Variants in ADARB2 observed in about 807,000 individuals in gnomAD.
ADARB2 encodes the protein inactive double-stranded RNA-specific editase B2.
ADARB2 carries 25 observed loss-of-function variants against 62.2 expected under a neutral mutation model. The observed-to-expected ratio is 0.40, with a 90% CI of 0.29 to 0.56. The LOEUF is 0.56. ADARB2 is among the 20% of genes least tolerant of loss of function. The pLI is 0.43. For missense variants in ADARB2, 1,071 were observed against 1,077.4 expected (o/e 0.99, Z 0.08); for synonymous variants, 572 against 500.8 (o/e 1.14, Z -1.90).
chr10:1,302,349 T>C (rs1357066244), intron 3 of ADARB2, among the ~76,000 whole-genome samples: 1 of 152,134 alleles, frequency 6.6e-6, no homozygotes, highest in South Asian at 2.1e-4. Context: ...ACCACGAGAT[T>C]ATATCCCACA....
chr10:1,271,040 G>A lies in ADARB2; in HGVS notation c.1107C>T (p.Val369=), dbSNP rs774219922. ...TCGTCACCTCGCGGAACTTCTGTGT[G>A]ACCAGCTGGGATATGGAGTCTGCGA... The part of the protein sequence containing the change: ...QEFADSISQL[V]TQKFREVTTD... Residue 369 remains valine (V), a synonymous_variant, in exon 4 of 10, where the codon GTC becomes GTT. Transcript: ENST00000381312. 11 of 1,613,964 alleles carry A rather than the reference G, an allele frequency of 6.8e-6. No individual in the cohort carries two copies. Among genetic ancestry groups the A allele is most frequent in the Non-Finnish European group, 8.5e-6 (10 of 1,180,018 alleles).
Position 1,194,539 on chromosome 10 carries a change from G to A in ADARB2, c.1864+5427C>T, listed in dbSNP as rs3055761. On this transcript the variant is annotated intron_variant, in intron 8 of 9. Transcript: ENST00000381312. The stretch of plus-strand genomic sequence containing the variant: ...ATCTATCTATCTAATCTATCTATCT[G>A]TCTGTCTGTCAGTCTATCATCTATC... Among the ~76,000 whole-genome samples the A allele has an allele frequency of 4.7e-3, 371 of 79,202 alleles. 1 individual carries two copies. The highest frequency in any genetic ancestry group is 0.014 in the African/African-American group (327 of 23,706). The allele number at this position is 79,202 out of a possible 152,430, so 52.0% of individuals were successfully genotyped here. A position where few individuals can be genotyped will look rare whatever the true frequency, so the allele number is the denominator to read the frequency against.
At position 1,177,761 on chromosome 10, in the gene ADARB2, G is replaced by A; in HGVS notation, c.*5432C>T. 6.6e-6 allele frequency: 1 copy of A among 152,250 alleles called. No homozygotes were observed. The highest frequency in any genetic ancestry group is 1.9e-4 in the East Asian group (1 of 5,198). The allele number at this position is 152,250 out of a possible 1,614,324, so 9.4% of individuals were successfully genotyped here. On this transcript the variant is annotated 3_prime_UTR_variant, in exon 10 of 10. Coordinates refer to ENST00000381312, the MANE Select transcript of ADARB2 (RefSeq NM_018702.4). ...TAAAGTGTTCCTCTCACCAGGGTTT[G>A]ATCTGTCTGCGGTTCCCGCAGGAGT...
At chr10:1,606,757 C>T (rs1833499239) in intron 1 of ADARB2, among the ~76,000 whole-genome samples, 1 of 152,230 alleles carries the variant, frequency 6.6e-6, no homozygotes, top group South Asian at 2.1e-4. Context: ...ACAGGAGACA[C>T]ACTGGGCTGG....
chr10:1,246,837 A>G (rs1318940805), intron 4 of ADARB2, among the ~76,000 whole-genome samples: 5 of 151,616 alleles, frequency 3.3e-5, no homozygotes, highest in Non-Finnish European at 2.9e-5. Context: ...TTTTGGTTCC[A>G]TATGAACTTT....
chr10:1,360,163 G>A (rs58768271), intron 3 of ADARB2, among the ~76,000 whole-genome samples: 10,905 of 152,250 alleles, frequency 0.072, 1,275 homozygotes, highest in African/African-American at 0.25. Context: ...GCACCGGGCC[G>A]GCACCCAAGT....
intron 3 of ADARB2, among the ~76,000 whole-genome samples, chr10:1,315,557 T>A (rs1453373423): frequency 6.6e-6 from 1 of 152,218 alleles, no homozygotes; most frequent in Non-Finnish European, 1.5e-5. Context: ...AATGTCATAT[T>A]TGTAGGGCTC....
chr10:1,289,786 T>A (rs1831448081), intron 3 of ADARB2, among the ~76,000 whole-genome samples: 1 of 152,224 alleles, frequency 6.6e-6, no homozygotes, highest in South Asian at 2.1e-4. Context: ...CACTCCACGG[T>A]GGGTGTGCCA....
chr10:1,468,100 A>G (rs1309679192), intron 1 of ADARB2, among the ~76,000 whole-genome samples: 1 of 152,228 alleles, frequency 6.6e-6, no homozygotes, highest in Non-Finnish European at 1.5e-5. Context: ...CATTGTCAGG[A>G]TCAACCTGTC....
intron 1 of ADARB2, among the ~76,000 whole-genome samples, chr10:1,686,926 A>T (rs559783963): frequency 6.6e-6 from 1 of 151,402 alleles, no homozygotes; most frequent in African/African-American, 2.4e-5. Flanking sequence ...AAGAAATTAC[A>T]TTTTTTTTAA....
intron 1 of ADARB2, among the ~76,000 whole-genome samples, chr10:1,381,374 C>G (rs1832481829): frequency 1.3e-5 from 2 of 152,168 alleles, no homozygotes; most frequent in South Asian, 4.1e-4. Context: ...CTCCTCACAC[C>G]CATTAGGATG....
intron 1 of ADARB2, among the ~76,000 whole-genome samples, chr10:1,547,808 C>T (rs1321298023): frequency 6.8e-6 from 1 of 147,210 alleles, no homozygotes; most frequent in Admixed American, 6.8e-5. Context: ...AGAGGCTGCA[C>T]AGGTGTATAC....
At chr10:1,514,636 C>T (rs1469927963) in intron 1 of ADARB2, among the ~76,000 whole-genome samples, 1 of 151,756 alleles carries the variant, frequency 6.6e-6, no homozygotes, top group Non-Finnish European at 1.5e-5. Context: ...AATGTGGCTG[C>T]CGAGACAGAG....
At chr10:1,535,606 G>C (rs1043730317) in intron 1 of ADARB2, 2 of 167,490 alleles carry the variant, frequency 1.2e-5, no homozygotes, top group African/African-American at 2.4e-5. Flanking sequence ...CAATGTCGCT[G>C]ATGGCGAGAT....
intron 1 of ADARB2, among the ~76,000 whole-genome samples, chr10:1,688,887 A>G (rs1480336117): frequency 6.6e-6 from 1 of 152,210 alleles, no homozygotes; most frequent in Non-Finnish European, 1.5e-5. Context: ...ATTTTAACGT[A>G]AAAAAGTAGT....
intron 1 of ADARB2, among the ~76,000 whole-genome samples, chr10:1,728,531 C>T (rs1258670406): frequency 6.6e-6 from 1 of 152,210 alleles, no homozygotes. Flanking sequence ...ATATATTAGA[C>T]ATCTGCACAA....
chr10:1,473,390 G>T (rs919744239), intron 1 of ADARB2, among the ~76,000 whole-genome samples: 9 of 150,678 alleles, frequency 6.0e-5, no homozygotes, highest in African/African-American at 9.7e-5. Flanking sequence ...GTTTTGTTTT[G>T]TTTTTTTTTC....
At chr10:1,376,032 C>T (rs1404761326) in intron 2 of ADARB2, among the ~76,000 whole-genome samples, 3 of 152,092 alleles carry the variant, frequency 2.0e-5, no homozygotes, top group Non-Finnish European at 4.4e-5. Flanking sequence ...ACACCCCACA[C>T]ACGTGCACGT....
At chr10:1,675,766 C>CTG (rs2119111169) in intron 1 of ADARB2, among the ~76,000 whole-genome samples, 1 of 152,172 alleles carries the variant, frequency 6.6e-6, no homozygotes, top group South Asian at 2.1e-4. Flanking sequence ...TACTCAGTCT[C>CTG]TGAGCTGGTG....
Sources: allele counts gnomAD v4.1 joint callset (sites outside exome capture counted in the v4.1 genomes callset), GRCh38; gene constraint gnomAD v4.1.1; transcripts MANE v1.5; gene names NCBI Gene and HGNC (gene_info 2026-07-23, HGNC 2026-07-21).